Variants in MXRA5 observed in about 807,000 individuals in gnomAD.
The protein encoded by MXRA5 is matrix remodeling associated 5.
MXRA5 carries 41 observed loss-of-function variants against 112.5 expected under a neutral mutation model. The ratio of observed to expected loss-of-function variants is 0.36; its 90% CI spans 0.28 to 0.47. The LOEUF is 0.47. MXRA5 is among the 20% of genes least tolerant of loss of function. MXRA5 has a pLI of 0.99. For synonymous variants in MXRA5, 862 were observed against 900.8 expected, an observed-to-expected ratio of 0.96 and a Z score of 0.77; for missense variants, 2,150 against 2,251.0, an observed-to-expected ratio of 0.96 and a Z score of 0.91.
intron 2 of MXRA5, among the ~76,000 whole-genome samples, chrX:3,338,475 T>A (rs889610685): frequency 9.9e-5 from 11 of 111,068 alleles, no homozygotes; most frequent in Non-Finnish European, 2.1e-4. Flanking sequence ...AGACAGATGA[T>A]AAAGATAGAT....
Position 3,322,933 on chromosome X carries a change from A to G in MXRA5, c.2752T>C (p.Tyr918His), listed in dbSNP as rs1452123301. 8.3e-7 allele frequency: 1 copy of G among 1,209,196 alleles called. No homozygotes were observed. Among genetic ancestry groups the G allele is most frequent in the Non-Finnish European group, 1.1e-6 (1 of 895,106 alleles). The change falls in exon 5 of 7, where the codon TAT becomes CAT. Residue 918 changes from tyrosine to histidine, a missense_variant. Coordinates refer to ENST00000217939, the MANE Select transcript of MXRA5 (RefSeq NM_015419.4). ...TAAPTLISEPYEPSPTLHTLD... is the reference protein window; with the variant it reads ...TAAPTLISEPHEPSPTLHTLD... ...GTGTGCAGAGTAGGAGATGGTTCAT[A>G]AGGCTCAGATATAAGTGTAGGGGCT...
At chrX:3,328,422 CAT>C (rs768151778) in intron 4 of MXRA5, among the ~76,000 whole-genome samples, 47 of 111,799 alleles carry the variant, frequency 4.2e-4, no homozygotes, top group Non-Finnish European at 8.7e-4. Flanking sequence ...GTGGAGCGAC[CAT>C]TGTGTGGAGA....
At position 3,321,950 on chromosome X, in the gene MXRA5, A is replaced by T; in HGVS notation, c.3735T>A (p.Pro1245=). The T allele has an allele frequency of 8.3e-7, 1 of 1,211,058 alleles. No individual in the cohort carries two copies. Among genetic ancestry groups the T allele is most frequent in the Admixed American group, 2.2e-5 (1 of 45,935 alleles). ...CGGACGCTCTTGAGCTCACTGTAGA[A>T]GGGGTATATCGATGTTTGTTTGGCC... ...GKRPNKHRYT[P]STVSSRASGS... The change falls in exon 5 of 7, where the codon CCT becomes CCA. Residue 1245 remains proline, a synonymous_variant. Transcript: ENST00000217939.
chrX:3,338,692 T>A (rs1330248200), intron 2 of MXRA5, among the ~76,000 whole-genome samples: 1 of 110,175 alleles, frequency 9.1e-6, no homozygotes, highest in Non-Finnish European at 1.9e-5. Context: ...AGATCAATGA[T>A]AGGTAGGTGA....
rs762582300 is a variant in MXRA5 at position 3,322,924 on chromosome X, A to G, written c.2761T>C (p.Ser921Pro). 3.3e-6 allele frequency: 4 copies of G among 1,208,984 alleles called. No individual in the cohort carries two copies. The Admixed American group carries it at 8.8e-5, about 27-fold the overall frequency. The part of the protein sequence containing the change: ...PTLISEPYEP[S>P]PTLHTLDTVY... ...GTGTCTAATGTGTGCAGAGTAGGAG[A>G]TGGTTCATAAGGCTCAGATATAAGT... The change falls in exon 5 of 7, where the codon TCT (serine) becomes CCT (proline). Residue 921 changes from serine to proline, a missense_variant. Transcript: ENST00000217939.
Position 3,322,020 on chromosome X carries a change from G to T in MXRA5, c.3665C>A (p.Ala1222Glu), listed in dbSNP as rs1921322329. ...TPKQLEMEKN[A>E]EPTSKGTPRR... is the part of the protein sequence containing the mutation. ...TGGTGTTCCCTTGGATGTGGGTTCTGCATTCTTCTCCATTTCCAACTGTTT... is the reference window on the plus strand; with the variant it reads ...TGGTGTTCCCTTGGATGTGGGTTCTTCATTCTTCTCCATTTCCAACTGTTT... Residue 1222 changes from alanine (A) to glutamate (E), a missense_variant, in exon 5 of 7, where the codon GCA becomes GAA. By Grantham distance (107) the Ala-to-Glu change is moderately radical (BLOSUM62 -1). Transcript: ENST00000217939. 1 of 1,211,406 alleles carries T rather than the reference G, an allele frequency of 8.3e-7. No individual in the cohort carries two copies. The highest frequency in any genetic ancestry group is 3.0e-5 in the East Asian group (1 of 33,823).
At position 3,329,078 on chromosome X, in the gene MXRA5, G is replaced by A. The variant is rs188087124; in HGVS notation, c.709+940C>T. Among the ~76,000 whole-genome samples the A allele has an allele frequency of 2.3e-3, 226 of 99,934 alleles. 2 individuals are homozygous for A. The highest frequency in any genetic ancestry group is 7.9e-3 in the African/African-American group (212 of 26,981). 86.8% of individuals were successfully genotyped at this position (99,934 alleles called of 115,157 possible). A position where few individuals can be genotyped will look rare whatever the true frequency, so the allele number is the denominator to read the frequency against. ...GGAGAGAACGAAGGAAGGAAGGAAG[G>A]AGAGGAGGAGGGAATGAAGGAAGGA... On this transcript the variant is annotated intron_variant, in intron 4 of 6. Coordinates refer to ENST00000217939, the MANE Select transcript of MXRA5 (RefSeq NM_015419.4).
chrX:3,341,108 A>ATT (rs1921924388), intron 2 of MXRA5, among the ~76,000 whole-genome samples: 1 of 69,638 alleles, frequency 1.4e-5, no homozygotes, highest in Non-Finnish European at 2.5e-5. Flanking sequence ...TACATAATAT[A>ATT]ATATAATATA....
chrX:3,339,733 T>C (rs1369410588), intron 2 of MXRA5, among the ~76,000 whole-genome samples: 3 of 111,687 alleles, frequency 2.7e-5, no homozygotes, highest in Non-Finnish European at 5.6e-5. Context: ...TGCATCCTTC[T>C]AAAAATCAGC....
intron 4 of MXRA5, among the ~76,000 whole-genome samples, chrX:3,326,742 C>T (rs1921521472): frequency 9.1e-6 from 1 of 110,282 alleles, no homozygotes; most frequent in Non-Finnish European, 1.9e-5. Context: ...TCCTCCTCCT[C>T]CTCTGCCTGA....
chrX:3,339,535 G>A (rs1041791157), intron 2 of MXRA5, among the ~76,000 whole-genome samples: 4 of 111,162 alleles, frequency 3.6e-5, no homozygotes, highest in Non-Finnish European at 5.7e-5. Flanking sequence ...CAAAGTGCTG[G>A]GATTACAGGC....
Position 3,320,757 on chromosome X carries a change from G to T in MXRA5, c.4928C>A (p.Thr1643Asn). The T allele has an allele frequency of 8.3e-7, 1 of 1,211,913 alleles. No homozygotes were observed. The highest frequency in any genetic ancestry group is 1.1e-6 in the Non-Finnish European group (1 of 895,452). Reference protein sequence around the residue: ...FVTSQSPRHWTNKPEITTYPS... With the variant: ...FVTSQSPRHWNNKPEITTYPS... ...ATATGTAGTTATTTCCGGTTTGTTG[G>T]TCCAGTGACGAGGTGACTGGGAAGT... The change falls in exon 5 of 7, where the codon ACC becomes AAC. Residue 1643 changes from threonine to asparagine, a missense_variant. By Grantham distance (65) the Thr-to-Asn change is moderately conservative (BLOSUM62 0). This residue lies in a region of MXRA5 where 1,485 missense variants were observed against 1,471.6 expected (regional missense o/e 1.01). Coordinates refer to ENST00000217939, the MANE Select transcript of MXRA5 (RefSeq NM_015419.4).
Position 3,322,989 on chromosome X carries a change from G to A in MXRA5, c.2696C>T (p.Thr899Ile). The A allele has an allele frequency of 2.5e-6, 3 of 1,211,636 alleles. No homozygotes were observed. Among genetic ancestry groups the A allele is most frequent in the Non-Finnish European group, 3.4e-6 (3 of 895,432 alleles). Residue 899 changes from threonine (T) to isoleucine (I), a missense_variant, in exon 5 of 7, where the codon ACT (threonine) becomes ATT (isoleucine). By Grantham distance (89) the Thr-to-Ile change is moderately conservative. Transcript: ENST00000217939. ...CCCCTTCAGGTCTCCTTCAGTGGAA[G>A]TTATCTCCTCAGTCTTCTCGGAAAG... ...DDLSEKTEEITSTEGDLKGTA... is the reference protein window; with the variant it reads ...DDLSEKTEEIISTEGDLKGTA...
chrX:3,332,688 A>G (rs1417685193), intron 2 of MXRA5, among the ~76,000 whole-genome samples: 1 of 112,324 alleles, frequency 8.9e-6, no homozygotes, highest in Non-Finnish European at 1.9e-5. Flanking sequence ...CCTGTTCATC[A>G]TTTTGACTCA....
Position 3,317,690 on chromosome X carries a change from G to A in MXRA5, c.5991C>T (p.Pro1997=). ...CGTGCAGGGTGATGCGGCCCTCCACGGGGGACACAGTTTGCCACACCCTCC... is the reference window on the plus strand; with the variant it reads ...CGTGCAGGGTGATGCGGCCCTCCACAGGGGACACAGTTTGCCACACCCTCC... The part of the protein sequence containing the change: ...PDRRVWQTVS[P]VEGRITLHEN... The change falls in exon 6 of 7, where the codon CCC becomes CCT. Residue 1997 remains proline (P), a synonymous_variant. Coordinates refer to ENST00000217939, the MANE Select transcript of MXRA5 (RefSeq NM_015419.4). 8.3e-7 allele frequency: 1 copy of A among 1,201,777 alleles called. No homozygotes were observed. The highest frequency in any genetic ancestry group is 1.1e-6 in the Non-Finnish European group (1 of 889,261).
Position 3,324,385 on chromosome X carries a change from G to A in MXRA5, c.1300C>T (p.Gln434Ter). The A allele has an allele frequency of 8.3e-7, 1 of 1,211,582 alleles. No homozygotes were observed. Among genetic ancestry groups the A allele is most frequent in the Non-Finnish European group, 1.1e-6 (1 of 895,491 alleles). Residue 434 changes from glutamine to a stop codon, truncating the protein, a stop_gained, in exon 5 of 7, where the codon CAG (glutamine) becomes TAG (stop). Transcript: ENST00000217939. LOFTEE classifies it high-confidence loss of function. Reference sequence around the variant, plus strand: ...TTCAGCTGGATATCTATGGATGGCTGCATGACCCATTCTGGTTCTGCAAGA... The same window carrying A: ...TTCAGCTGGATATCTATGGATGGCTACATGACCCATTCTGGTTCTGCAAGA... ...QILAEPEWVM[Q>*]PSIDIQLNRR...
rs748301955 is a variant in MXRA5, at chrX:3,320,306, C to T, written c.5379G>A (p.Pro1793=). The change falls in exon 5 of 7, where the codon CCG becomes CCA. Residue 1793 remains proline, a synonymous_variant. Coordinates refer to ENST00000217939, the MANE Select transcript of MXRA5 (RefSeq NM_015419.4). ...TAGTTGAGGGTGATCCCGTGGTCTG[C>T]GGAGTGTGCAACAACGGAGGTGCCG... is the stretch of plus-strand genomic sequence containing the variant. The part of the protein sequence containing the change: ...GPPAPPLLHT[P]QTTGSPSTNL... 25 of 1,209,710 alleles carry T rather than the reference C, an allele frequency of 2.1e-5. No individual in the cohort carries two copies. The East Asian group carries it at 3.9e-4, about 19-fold the overall frequency.
intron 2 of MXRA5, among the ~76,000 whole-genome samples, chrX:3,335,924 A>T (rs1388061368): frequency 1.8e-5 from 2 of 112,300 alleles, no homozygotes; most frequent in Non-Finnish European, 3.8e-5. Context: ...CACGTACTGC[A>T]GTGGTCCTCA....
rs988052499 is a variant in MXRA5, at chrX:3,336,287, A to T, written c.189-5514T>A. ...CTACATTATGGTGAGTTGTAGAATT[A>T]TTTCATTATATTATTACAATGTAAT... On this transcript the variant is annotated intron_variant, in intron 2 of 6. Transcript: ENST00000217939. Among the ~76,000 whole-genome samples, 4 of 111,535 alleles carry T rather than the reference A, an allele frequency of 3.6e-5. No individual in the cohort carries two copies. In the Admixed American group the frequency reaches 3.8e-4, roughly 11 times the overall value.
Sources: gnomAD v4.1 joint callset for allele counts (sites outside exome capture counted in the v4.1 genomes callset) on GRCh38, gnomAD v4.1.1 for gene constraint, gnomAD v4.1.1 regional missense constraint, MANE v1.5 for transcripts, NCBI Gene and HGNC (gene_info 2026-07-23, HGNC 2026-07-21) for gene names.